Variants in SRGAP2 observed in about 807,000 individuals in gnomAD.
SRGAP2 encodes the protein SLIT-ROBO Rho GTPase-activating protein 2.
Under a neutral mutation model 57.2 loss-of-function variants are expected in SRGAP2, and 15 were observed. The ratio of observed to expected loss-of-function variants is 0.26; its 90% confidence interval spans 0.18 to 0.40. The LOEUF (loss-of-function observed/expected upper bound fraction) is 0.40, where lower values mean the gene tolerates loss of function less well. Among genes scored for constraint, SRGAP2 ranks in the 10% least tolerant of loss-of-function variants. The pLI, the probability that SRGAP2 is intolerant of heterozygous loss-of-function variation, is 1.00. For missense variants in SRGAP2, 520 were observed against 669.6 expected (o/e 0.78, Z 2.47); for synonymous variants, 249 against 248.0 (o/e 1.00, Z -0.04).
intron 2 of SRGAP2, among the ~76,000 whole-genome samples, chr1:206,234,817 GGGTTA>G (rs1287952230): frequency 1.3e-5 from 2 of 151,794 alleles, no homozygotes; most frequent in Non-Finnish European, 2.9e-5. Flanking sequence ...TTTCTCATTG[GGGTTA>G]GGTTTCCAAA....
At chr1:206,244,664 C>T (rs1280685938) in intron 2 of SRGAP2, among the ~76,000 whole-genome samples, 1 of 151,574 alleles carries the variant, frequency 6.6e-6, no homozygotes, top group Non-Finnish European at 1.5e-5. Context: ...TGAAAGGGAT[C>T]GGGTCTGTAT....
At chr1:206,393,782 A>G (rs1553352343) in intron 7 of SRGAP2, 109 bp downstream of exon 7, 1 of 515,994 alleles carries the variant, frequency 1.9e-6, no homozygotes, top group East Asian at 2.9e-5. Flanking sequence ...TTTGAGAACA[A>G]TTAGGAAGAT....
At chr1:206,430,038 G>A (rs1553367776) in intron 13 of SRGAP2, 124 bp from the exon 14 acceptor site, 2 of 702,208 alleles carry the variant, frequency 2.8e-6, no homozygotes, top group Non-Finnish European at 5.3e-6. Context: ...GACAGGCCAG[G>A]TGCTTCTTTG....
intron 2 of SRGAP2, among the ~76,000 whole-genome samples, chr1:206,243,679 T>C (rs1335402697): frequency 1.3e-5 from 2 of 152,180 alleles, no homozygotes; most frequent in Non-Finnish European, 2.9e-5. Context: ...GCAGATGTAG[T>C]CTTGAGCAGT....
At chr1:206,210,618 G>T (rs1446298037) in intron 2 of SRGAP2, among the ~76,000 whole-genome samples, 1 of 150,058 alleles carries the variant, frequency 6.7e-6, no homozygotes, top group Non-Finnish European at 1.5e-5. Flanking sequence ...ATATACTTGG[G>T]AATGTTGATG....
chr1:206,370,684 C>A (rs1654459253), intron 4 of SRGAP2, among the ~76,000 whole-genome samples: 1 of 152,106 alleles, frequency 6.6e-6, no homozygotes, highest in African/African-American at 2.4e-5. Context: ...GGTTGTACAA[C>A]CTTGCAAATA....
chr1:206,290,546 G>A (rs1183241734), intron 2 of SRGAP2, among the ~76,000 whole-genome samples: 1 of 149,184 alleles, frequency 6.7e-6, no homozygotes, highest in Non-Finnish European at 1.5e-5. Flanking sequence ...GAAGGCTGAG[G>A]CAAGAGAATT....
Position 206,313,831 on chromosome 1 carries a change from T to C in SRGAP2, c.260+10358T>C, listed in dbSNP as rs1469727837. On this transcript the variant is annotated intron_variant, in intron 3 of 22. Transcript: ENST00000573034. ...GAATGAAAAGAAGGGGAATTTATCC[T>C]TCTGTCCATTTAGCAAATATATATC... 5.3e-5 allele frequency among the ~76,000 whole-genome samples: 8 copies of C among 150,948 alleles called. No individual in the cohort carries two copies. In the East Asian group the frequency reaches 1.6e-3, roughly 30 times the overall value.
chr1:206,260,451 C>G (rs1434898684), intron 2 of SRGAP2, among the ~76,000 whole-genome samples: 1 of 152,102 alleles, frequency 6.6e-6, no homozygotes, highest in African/African-American at 2.4e-5. Flanking sequence ...CCCTGTAGAA[C>G]CCCTGCTCCT....
intron 16 of SRGAP2, among the ~76,000 whole-genome samples, 183 bp downstream of exon 16, chr1:206,438,281 T>C (rs1314174744): frequency 1.3e-5 from 2 of 152,152 alleles, no homozygotes; most frequent in Non-Finnish European, 2.9e-5. Context: ...GGAAAGACTT[T>C]TCAGTAAGAA....
chr1:206,449,734 A>G lies in SRGAP2; in HGVS notation c.2100-652A>G, dbSNP rs550452926. ...CACCCTCTCCTATGACTCACCTTCC[A>G]CTTTTTCACCAGTTCACAGTCTGAA... On this transcript the variant is annotated intron_variant, in intron 18 of 22. Transcript: ENST00000573034. 3.3e-5 allele frequency among the ~76,000 whole-genome samples: 5 copies of G among 151,994 alleles called. No individual in the cohort carries two copies. In the South Asian group the frequency reaches 1.0e-3, roughly 32 times the overall value.
intron 7 of SRGAP2, among the ~76,000 whole-genome samples, chr1:206,398,879 G>C (rs2103127959): frequency 6.6e-6 from 1 of 152,282 alleles, no homozygotes; most frequent in South Asian, 2.1e-4. Flanking sequence ...TGAAGATCTG[G>C]TCCAATTCCA....
chr1:206,416,631 A>G (rs1445151521), intron 11 of SRGAP2, among the ~76,000 whole-genome samples: 1 of 152,202 alleles, frequency 6.6e-6, no homozygotes, highest in Non-Finnish European at 1.5e-5. Flanking sequence ...TCTCTCCTCA[A>G]CTGTCAAACA....
chr1:206,435,549 T>C (rs1011011100), intron 14 of SRGAP2, among the ~76,000 whole-genome samples: 1 of 152,362 alleles, frequency 6.6e-6, no homozygotes, highest in East Asian at 1.9e-4. Context: ...TGTGTGGTGC[T>C]GTCTGTAAAG....
At chr1:206,352,810 TTTTG>T (rs755510764) in intron 4 of SRGAP2, among the ~76,000 whole-genome samples, 4 of 151,416 alleles carry the variant, frequency 2.6e-5, no homozygotes, top group African/African-American at 4.9e-5. Flanking sequence ...TATATCATCT[TTTTG>T]TTTGTTTGTT....
intron 2 of SRGAP2, among the ~76,000 whole-genome samples, chr1:206,239,668 G>C: frequency 6.8e-6 from 1 of 147,292 alleles, no homozygotes; most frequent in East Asian, 2.1e-4. Flanking sequence ...ATGTTGGCCA[G>C]GCTGGTCTTC....
intron 3 of SRGAP2, among the ~76,000 whole-genome samples, chr1:206,339,269 A>G (rs1326555999): frequency 6.6e-6 from 1 of 152,072 alleles, no homozygotes; most frequent in Non-Finnish European, 1.5e-5. Flanking sequence ...GATTTTCGCT[A>G]CCCAACCACG....
chr1:206,228,693 A>T (rs1228883115), intron 2 of SRGAP2, among the ~76,000 whole-genome samples: 16 of 151,702 alleles, frequency 1.1e-4, no homozygotes, highest in African/African-American at 3.9e-4. Flanking sequence ...GGTCCTTCTC[A>T]TAGATCTGAG....
intron 4 of SRGAP2, among the ~76,000 whole-genome samples, chr1:206,371,199 TC>T (rs1486399680): frequency 1.5e-5 from 2 of 135,258 alleles, no homozygotes; most frequent in African/African-American, 5.7e-5. Flanking sequence ...ACAGCTGACT[TC>T]TGAACAAAAG....
Sources: allele counts gnomAD v4.1 joint callset (sites outside exome capture counted in the v4.1 genomes callset), GRCh38; gene constraint gnomAD v4.1.1; transcripts MANE v1.5; gene names NCBI Gene and HGNC (gene_info 2026-07-23, HGNC 2026-07-21).